Variants in PLEKHG1 observed in about 807,000 individuals in gnomAD.
PLEKHG1 encodes pleckstrin homology and RhoGEF domain containing G1, also known as pleckstrin homology domain-containing family G member 1.
Under a neutral mutation model 100.8 loss-of-function variants are expected in PLEKHG1, and 44 were observed. The observed-to-expected ratio is 0.44, with a 90% confidence interval of 0.34 to 0.56. The LOEUF is 0.56. PLEKHG1 is among the 20% of genes least tolerant of loss of function. The pLI is 0.01. For missense variants in PLEKHG1, 1,545 were observed against 1,720.9 expected (o/e 0.90, Z 1.81); for synonymous variants, 640 against 662.5 (o/e 0.97, Z 0.52).
chr6:150,751,082 A>G (rs572206837), intron 2 of PLEKHG1, among the ~76,000 whole-genome samples: 4 of 152,342 alleles, frequency 2.6e-5, no homozygotes, highest in South Asian at 4.1e-4. Flanking sequence ...GACAAGACCA[A>G]TAATTTCTAG....
intron 2 of PLEKHG1, among the ~76,000 whole-genome samples, chr6:150,644,029 A>G (rs1475342222): frequency 6.6e-6 from 1 of 152,166 alleles, no homozygotes; most frequent in Non-Finnish European, 1.5e-5. Context: ...ATAGAAATGG[A>G]TGTTTGTACA....
intron 11 of PLEKHG1, among the ~76,000 whole-genome samples, chr6:150,818,419 T>C (rs1166645818): frequency 6.6e-6 from 1 of 152,210 alleles, no homozygotes; most frequent in Non-Finnish European, 1.5e-5. Context: ...TTTATCTGAG[T>C]CCCTTGATGG....
At chr6:150,724,545 CTTTTTTCTTTTTCTT>C (rs1781861033) in intron 1 of PLEKHG1, among the ~76,000 whole-genome samples, 1 of 135,182 alleles carries the variant, frequency 7.4e-6, no homozygotes, top group Admixed American at 8.0e-5. Flanking sequence ...TCTTTCTTTT[CTTTTTTCTTTTTCTT>C]TTTTTTTTTT....
intron 2 of PLEKHG1, among the ~76,000 whole-genome samples, chr6:150,648,214 A>G (rs1778579044): frequency 6.6e-6 from 1 of 152,056 alleles, no homozygotes; most frequent in Non-Finnish European, 1.5e-5. Context: ...ACTATTTCTA[A>G]TAGGTTTTAA....
At chr6:150,781,924 A>G (rs1418867772) in intron 3 of PLEKHG1, among the ~76,000 whole-genome samples, 4 of 150,464 alleles carry the variant, frequency 2.7e-5, no homozygotes, top group Admixed American at 6.6e-5. Flanking sequence ...GGTGCCTGCC[A>G]CCACGCCCGG....
At chr6:150,638,317 A>T (rs181694239) in intron 2 of PLEKHG1, among the ~76,000 whole-genome samples, 9 of 152,218 alleles carry the variant, frequency 5.9e-5, no homozygotes, top group Admixed American at 5.9e-4. Context: ...CTGTGCTCTC[A>T]TGTCGTTTTT....
At chr6:150,611,630 G>A (rs1976218) in intron 1 of PLEKHG1, among the ~76,000 whole-genome samples, 6,700 of 152,134 alleles carry the variant, frequency 0.044, 351 homozygotes, top group African/African-American at 0.11. Context: ...TGGCCAACAT[G>A]GTGAAACCCT....
chr6:150,647,447 T>A (rs906798087), intron 2 of PLEKHG1, among the ~76,000 whole-genome samples: 2 of 152,176 alleles, frequency 1.3e-5, no homozygotes, highest in Admixed American at 1.3e-4. Context: ...GTCTCCTTTT[T>A]ACAAAATCAA....
At chr6:150,748,976 TG>T (rs921623449) in intron 2 of PLEKHG1, among the ~76,000 whole-genome samples, 2 of 152,078 alleles carry the variant, frequency 1.3e-5, no homozygotes, top group African/African-American at 4.8e-5. Flanking sequence ...CATCTTAAAA[TG>T]GGGGAGATGT....
Position 150,830,941 on chromosome 6 carries a change from C to A in PLEKHG1, c.1830C>A (p.Ser610Arg), listed in dbSNP as rs541211219. 23 of 1,613,960 alleles carry A rather than the reference C, an allele frequency of 1.4e-5. No individual in the cohort carries two copies. In the East Asian group the frequency reaches 4.7e-4, roughly 33 times the overall value. Residue 610 changes from serine to arginine, a missense_variant, in exon 15 of 16, where the codon AGC (serine) becomes AGA (arginine). Coordinates refer to ENST00000358517, the Ensembl canonical transcript of PLEKHG1. ...GTCACAGGATTGTCAGGCGGGCCAG[C>A]AGTGCTGGGGAGAGCAACACATGCC... is the stretch of plus-strand genomic sequence containing the variant.
At chr6:150,828,347 T>C in intron 14 of PLEKHG1, 1 of 1,610,836 alleles carries the variant, frequency 6.2e-7, no homozygotes, top group African/African-American at 1.3e-5. Context: ...CGGCGCTCTG[T>C]CCTCATGAAG....
chr6:150,839,472 GCTGA>G (rs1443366585), intron 15 of PLEKHG1, among the ~76,000 whole-genome samples: 5 of 152,128 alleles, frequency 3.3e-5, no homozygotes, highest in African/African-American at 1.2e-4. Flanking sequence ...AGGCTGAAGT[GCTGA>G]CTTTCTTACT....
intron 3 of PLEKHG1, among the ~76,000 whole-genome samples, chr6:150,680,072 T>C (rs1562431635): frequency 6.6e-6 from 1 of 152,258 alleles, no homozygotes; most frequent in East Asian, 1.9e-4. Flanking sequence ...CTAGAAGAAA[T>C]GAAGAGGCAT....
At chr6:150,777,483 C>T (rs953825169) in intron 3 of PLEKHG1, among the ~76,000 whole-genome samples, 1 of 148,044 alleles carries the variant, frequency 6.8e-6, no homozygotes, top group African/African-American at 2.5e-5. Flanking sequence ...TCCTGGTGCA[C>T]ATGTGCAGTT....
At chr6:150,828,565 T>A (rs1776741959) in intron 14 of PLEKHG1, among the ~76,000 whole-genome samples, 7 of 152,264 alleles carry the variant, frequency 4.6e-5, no homozygotes, top group Admixed American at 4.6e-4. Flanking sequence ...AACTCTTTTT[T>A]TTAAATTATA....
In PLEKHG1 at chr6:150,733,564, A is replaced by C; in HGVS notation, c.-98-20A>C. 6.4e-7 allele frequency: 1 copy of C among 1,566,854 alleles called. No homozygotes were observed. The highest frequency in any genetic ancestry group is 1.2e-5 in the South Asian group (1 of 84,768). ...TAGAATTGCTTATCTTGTCCTTTTT[A>C]TTTTCTTTAATGCATATAGATGGGC... On this transcript the variant is annotated intron_variant, in intron 1 of 15. Coordinates refer to ENST00000358517, the Ensembl canonical transcript of PLEKHG1.
intron 10 of PLEKHG1, among the ~76,000 whole-genome samples, chr6:150,817,554 AT>A (rs774464059): frequency 0.25 from 28,308 of 115,430 alleles, 2,866 homozygotes; most frequent in African/African-American, 0.37. Flanking sequence ...AAGAATCTGC[AT>A]TTTTTTTTTT....
rs761473853 is a variant in PLEKHG1 at position 150,734,111 on chromosome 6, T to C, written c.411+19T>C. 1 of 1,586,158 alleles carries C rather than the reference T, an allele frequency of 6.3e-7. No homozygotes were observed. The highest frequency in any genetic ancestry group is 1.1e-5 in the South Asian group (1 of 87,614). ...CGTAGAGGTAAGACCGACTTCGCTT[T>C]TAATGTTTGCCATGCAGGAGAAATA... On this transcript the variant is annotated intron_variant, in intron 2 of 15. Coordinates refer to ENST00000358517, the Ensembl canonical transcript of PLEKHG1.
chr6:150,643,893 A>T (rs1778373298), intron 2 of PLEKHG1, among the ~76,000 whole-genome samples: 1 of 150,936 alleles, frequency 6.6e-6, no homozygotes. Context: ...TAAGTGATTG[A>T]CACCCACTTT....
Sources: allele counts gnomAD v4.1 joint callset (sites outside exome capture counted in the v4.1 genomes callset), GRCh38; gene constraint gnomAD v4.1.1; transcripts MANE v1.5; gene names NCBI Gene and HGNC (gene_info 2026-07-23, HGNC 2026-07-21).